The following WARS1 variants were observed in gnomAD, a reference collection of about 807,000 sequenced individuals.
WARS1 encodes tryptophan--tRNA ligase, cytoplasmic.
WARS1 carries 17 observed loss-of-function variants against 47.8 expected under a neutral mutation model. The observed-to-expected ratio is 0.36, with a 90% CI of 0.24 to 0.53. The LOEUF (loss-of-function observed/expected upper bound fraction) is 0.53, where lower values mean the gene tolerates loss of function less well. WARS1 is among the 20% of genes least tolerant of loss of function. WARS1 has a pLI of 0.91. For missense variants in WARS1, 434 were observed against 608.0 expected, an observed-to-expected ratio of 0.71 and a Z score of 3.01; for synonymous variants, 208 against 228.1, an observed-to-expected ratio of 0.91 and a Z score of 0.79.
chr14:100,370,017 A>G (rs1022651271), intron 1 of WARS1, among the ~76,000 whole-genome samples: 1 of 152,144 alleles, frequency 6.6e-6, no homozygotes, highest in Admixed American at 6.5e-5. Flanking sequence ...GGGCTTTTGC[A>G]GCCATAACTA....
chr14:100,364,185 GTTAC>G (rs1895818538), intron 2 of WARS1, among the ~76,000 whole-genome samples: 1 of 152,290 alleles, frequency 6.6e-6, no homozygotes, highest in East Asian at 1.9e-4. Flanking sequence ...GATTTTAGAA[GTTAC>G]TTAAACAAAA....
In WARS1 at chr14:100,360,648, T is replaced by C. The variant is rs771796418; in HGVS notation, c.328A>G (p.Ser110Gly). The C allele has an allele frequency of 3.1e-6, 5 of 1,613,814 alleles. No homozygotes were observed. Among genetic ancestry groups the C allele is most frequent in the South Asian group, 2.2e-5 (2 of 91,064 alleles). The change falls in exon 4 of 11, where the codon AGT (serine) becomes GGT (glycine). Residue 110 changes from serine to glycine, a missense_variant. Transcript: ENST00000392882. ...TTTATTAGCTCTTTGTCAATTTTAC[T>C]ACTTCCAAACCGAACTGGAAAAAAA... ...YDKLIVRFGS[S>G]KIDKELINRI... is the part of the protein sequence containing the mutation.
In WARS1 at chr14:100,354,680, C is replaced by T. The variant is rs1895200132; in HGVS notation, c.423-114G>A. 3.2e-6 allele frequency: 4 copies of T among 1,252,076 alleles called. No homozygotes were observed. The South Asian group carries it at 4.6e-5, about 14-fold the overall frequency. 77.6% of individuals were successfully genotyped at this position (1,252,076 alleles called of 1,614,324 possible). On this transcript the variant is annotated intron_variant, in intron 4 of 10. Coordinates refer to ENST00000392882, the MANE Select transcript of WARS1 (RefSeq NM_004184.4). ...AGAGACGAAACAACATGGATAATAA[C>T]TAGAATTTGTTACCTTTGGTGCTTA... is the stretch of plus-strand genomic sequence containing the variant.
At chr14:100,360,509 A>G in intron 4 of WARS1, 45 bp downstream of exon 4, 1 of 1,482,180 alleles carries the variant, frequency 6.7e-7, no homozygotes, top group Non-Finnish European at 9.2e-7. Flanking sequence ...TTTTGAACTA[A>G]AAGAAGAGGA....
chr14:100,371,447 C>CAAAAAAAAAAAAAAAAAAAAAA lies in WARS1; in HGVS notation c.-73-2190_-73-2189insTTTTTTTTTTTTTTTTTTTTTT, dbSNP rs60977618. 4.4e-4 allele frequency among the ~76,000 whole-genome samples: 39 copies of CAAAAAAAAAAAAAAAAAAAAAA among 89,136 alleles called. 5 individuals are homozygous for CAAAAAAAAAAAAAAAAAAAAAA. The highest frequency in any genetic ancestry group is 1.5e-3 in the South Asian group (2 of 1,340). 58.5% of individuals were successfully genotyped at this position (89,136 alleles called of 152,430 possible). A position where few individuals can be genotyped will look rare whatever the true frequency, so the allele number is the denominator to read the frequency against. The stretch of plus-strand genomic sequence containing the variant: ...CCTGGGTGACAGAAAGGTTCTGTCT[C>CAAAAAAAAAAAAAAAAAAAAAA]AAAAAAAAAAAAAAAAAAAAGTAGG... On this transcript the variant is annotated intron_variant, in intron 1 of 10. Transcript: ENST00000392882.
chr14:100,354,399 T>C, intron 5 of WARS1, 48 bp downstream of exon 5: 4 of 1,589,502 alleles, frequency 2.5e-6, no homozygotes, highest in African/African-American at 1.4e-5. Flanking sequence ...TAAGCAACAT[T>C]CTCAATTCAC....
intron 10 of WARS1, among the ~76,000 whole-genome samples, chr14:100,336,377 A>G (rs576195613): frequency 6.6e-6 from 1 of 152,204 alleles, no homozygotes; most frequent in African/African-American, 2.4e-5. Context: ...CTTCCCAAGT[A>G]GCAGGGGCTA....
chr14:100,342,824 G>A lies in WARS1; in HGVS notation c.940-253C>T, dbSNP rs377175073. On this transcript the variant is annotated intron_variant, in intron 8 of 10. Transcript: ENST00000392882. ...GGTGGTTTGCTGCACCCATCAACCCGTCATCTAGGTTTTAAGCCCCGCATG... is the reference window on the plus strand; with the variant it reads ...GGTGGTTTGCTGCACCCATCAACCCATCATCTAGGTTTTAAGCCCCGCATG... 1.3e-4 allele frequency among the ~76,000 whole-genome samples: 20 copies of A among 151,948 alleles called. No individual in the cohort carries two copies. The East Asian group carries it at 2.5e-3, about 19-fold the overall frequency.
intron 2 of WARS1, among the ~76,000 whole-genome samples, chr14:100,368,210 A>G (rs776179620): frequency 3.9e-5 from 6 of 152,258 alleles, no homozygotes; most frequent in Non-Finnish European, 8.8e-5. Flanking sequence ...TATCATTAGT[A>G]TCATTGACAT....
intron 3 of WARS1, 150 bp from the exon 4 acceptor site, chr14:100,360,812 C>T (rs1253738219): frequency 6.0e-6 from 3 of 498,622 alleles, no homozygotes; most frequent in Admixed American, 3.5e-5. Context: ...TTACCCCCAA[C>T]ATGAAGTAAA....
intron 9 of WARS1, among the ~76,000 whole-genome samples, chr14:100,341,773 G>A (rs1209844126): frequency 2.0e-5 from 3 of 152,234 alleles, no homozygotes; most frequent in Non-Finnish European, 4.4e-5. Context: ...GTGGATGGAC[G>A]TTTCTCCGTT....
chr14:100,352,108 CTTTT>C (rs1172421175), intron 6 of WARS1, among the ~76,000 whole-genome samples: 6 of 94,242 alleles, frequency 6.4e-5, no homozygotes, highest in African/African-American at 2.4e-4. Flanking sequence ...CAGTTTCTTT[CTTTT>C]TTTTTTTTTT....
rs1893791134 is a variant in WARS1 at position 100,337,097 on chromosome 14, GGAA to G, written c.1216_1218del (p.Phe406del). The stretch of plus-strand genomic sequence containing the variant: ...TGCTCGAGCTTGTCGTCGTCCTCGA[GGAA>G]GAAGGTCAGGTACATGAAAGACACG... On this transcript the variant is annotated inframe_deletion, in exon 10 of 11. Transcript: ENST00000392882. The G allele has an allele frequency of 6.2e-7, 1 of 1,614,012 alleles. No individual in the cohort carries two copies. The highest frequency in any genetic ancestry group is 1.7e-5 in the Admixed American group (1 of 60,002).
chr14:100,342,252 C>T (rs1271231371), intron 9 of WARS1, 146 bp downstream of exon 9: 12 of 1,130,422 alleles, frequency 1.1e-5, no homozygotes, highest in Admixed American at 2.0e-5. Context: ...CTGCAGGGAG[C>T]AAAGTTGGCA....
In WARS1 at chr14:100,337,212, A is replaced by T; in HGVS notation, c.1114-10T>A. 6.2e-7 allele frequency: 1 copy of T among 1,613,166 alleles called. No individual in the cohort carries two copies. Among genetic ancestry groups the T allele is most frequent in the Non-Finnish European group, 8.5e-7 (1 of 1,179,312 alleles). On this transcript the variant is annotated splice_polypyrimidine_tract_variant and intron_variant, in intron 9 of 10. Transcript: ENST00000392882. ...ACGCATGCTTATTGACCTGCACCAG[A>T]AGAGGACACAGACACGCTCCTCAGT... is the stretch of plus-strand genomic sequence containing the variant.
Position 100,354,548 on chromosome 14 carries a change from A to G in WARS1, c.441T>C (p.Leu147=), listed in dbSNP as rs1895191446. ...FFSHRDMNQV[L]DAYENKKPFY... ...ATGGCTTCTTATTTTCATAGGCATCAAGAACCTGATTCATATCTCTAAAGG... is the reference window on the plus strand; with the variant it reads ...ATGGCTTCTTATTTTCATAGGCATCGAGAACCTGATTCATATCTCTAAAGG... Residue 147 remains leucine (L), a synonymous_variant, in exon 5 of 11, where the codon CTT becomes CTC. Coordinates refer to ENST00000392882, the MANE Select transcript of WARS1 (RefSeq NM_004184.4). 6.2e-7 allele frequency: 1 copy of G among 1,612,806 alleles called. No homozygotes were observed. Among genetic ancestry groups the G allele is most frequent in the Non-Finnish European group, 8.5e-7 (1 of 1,179,582 alleles).
intron 4 of WARS1, among the ~76,000 whole-genome samples, chr14:100,357,350 A>G (rs1895384184): frequency 6.6e-6 from 1 of 152,244 alleles, no homozygotes; most frequent in African/African-American, 2.4e-5. Context: ...ATCATAGGAG[A>G]TACAATCCTA....
In WARS1 at chr14:100,353,487, A is replaced by AC. The variant is rs1309946006; in HGVS notation, c.725+199dup. Reference sequence around the variant, plus strand: ...CTGGTCTTGAACTCCTGACCTCGTGACCCGCCCACCTCGGCCTCCCAAAGT... The same window carrying AC: ...CTGGTCTTGAACTCCTGACCTCGTGACCCCGCCCACCTCGGCCTCCCAAAGT... On this transcript the variant is annotated intron_variant, in intron 6 of 10. Coordinates refer to ENST00000392882, the MANE Select transcript of WARS1 (RefSeq NM_004184.4). Among the ~76,000 whole-genome samples the AC allele has an allele frequency of 3.3e-5, 5 of 152,266 alleles. No individual in the cohort carries two copies. The East Asian group carries it at 9.6e-4, about 29-fold the overall frequency.
chr14:100,335,593 G>C (rs1377250760), intron 10 of WARS1, among the ~76,000 whole-genome samples: 2 of 152,040 alleles, frequency 1.3e-5, no homozygotes, highest in Non-Finnish European at 1.5e-5. Context: ...GGCCAGGCTG[G>C]TCTCGATCTC....
Sources: gnomAD v4.1 joint callset for allele counts (sites outside exome capture counted in the v4.1 genomes callset) on GRCh38, gnomAD v4.1.1 for gene constraint, MANE v1.5 for transcripts, NCBI Gene and HGNC (gene_info 2026-07-23, HGNC 2026-07-21) for gene names.